Variants in LRRTM4 observed in about 807,000 individuals in gnomAD.
LRRTM4 encodes the protein leucine rich repeat transmembrane neuronal 4, also known as leucine-rich repeat transmembrane neuronal protein 4.
A neutral mutation model predicts 47.6 loss-of-function variants in LRRTM4; 25 were observed. The ratio of observed to expected loss-of-function variants is 0.53; its 90% CI spans 0.38 to 0.73. The LOEUF is 0.73. LRRTM4 is among the 30% of genes least tolerant of loss of function. The pLI, the probability that LRRTM4 is intolerant of heterozygous loss-of-function variation, is 0.00. For missense variants in LRRTM4, 638 were observed against 713.4 expected, an observed-to-expected ratio of 0.89 and a Z score of 1.20; for synonymous variants, 311 against 269.5, an observed-to-expected ratio of 1.15 and a Z score of -1.51.
chr2:77,452,960 A>G (rs1449472130), intron 3 of LRRTM4, among the ~76,000 whole-genome samples: 1 of 152,076 alleles, frequency 6.6e-6, no homozygotes, highest in Non-Finnish European at 1.5e-5. Flanking sequence ...GATAATTTCT[A>G]TGTGACCTTA....
At chr2:77,074,770 A>G (rs924543441) in intron 3 of LRRTM4, among the ~76,000 whole-genome samples, 20 of 152,316 alleles carry the variant, frequency 1.3e-4, no homozygotes, top group Admixed American at 1.3e-3. Context: ...CAAGAAGTGG[A>G]CAAAGGTAAG....
At chr2:76,812,703 T>G (rs531405303) in intron 3 of LRRTM4, among the ~76,000 whole-genome samples, 107 of 151,066 alleles carry the variant, frequency 7.1e-4, no homozygotes, top group Non-Finnish European at 9.7e-4. Context: ...TTCTTTTCTT[T>G]CTTTATTTCT....
intron 3 of LRRTM4, among the ~76,000 whole-genome samples, chr2:76,901,493 G>A (rs543340198): frequency 5.3e-5 from 8 of 152,180 alleles, no homozygotes; most frequent in African/African-American, 1.7e-4. Flanking sequence ...AAAAGGGAGA[G>A]CAGTGTTAAG....
chr2:76,915,997 C>G (rs1674230204), intron 3 of LRRTM4, among the ~76,000 whole-genome samples: 1 of 151,946 alleles, frequency 6.6e-6, no homozygotes, highest in Non-Finnish European at 1.5e-5. Flanking sequence ...AAAGCTCTAT[C>G]AGCACATTTG....
At chr2:77,501,382 T>G (rs1678566949) in intron 3 of LRRTM4, among the ~76,000 whole-genome samples, 1 of 150,760 alleles carries the variant, frequency 6.6e-6, no homozygotes, top group African/African-American at 2.4e-5. Flanking sequence ...CATAAAATGT[T>G]AATGTATGTA....
chr2:77,207,659 A>T (rs1674175227), intron 3 of LRRTM4, among the ~76,000 whole-genome samples: 1 of 151,674 alleles, frequency 6.6e-6, no homozygotes, highest in East Asian at 1.9e-4. Context: ...TATAACAATC[A>T]CTGACAATTC....
chr2:77,274,402 TG>T (rs560684392), intron 3 of LRRTM4, among the ~76,000 whole-genome samples: 142 of 152,312 alleles, frequency 9.3e-4, no homozygotes, highest in African/African-American at 3.1e-3. Context: ...TCATGGTGTT[TG>T]GATGATAAAT....
intron 3 of LRRTM4, among the ~76,000 whole-genome samples, chr2:76,762,515 G>A (rs894888923): frequency 7.9e-5 from 12 of 152,140 alleles, no homozygotes; most frequent in Admixed American, 7.2e-4. Context: ...TTTCTCTGCT[G>A]TGTATTATGA....
At chr2:76,835,789 T>G (rs544234105) in intron 3 of LRRTM4, among the ~76,000 whole-genome samples, 1 of 152,098 alleles carries the variant, frequency 6.6e-6, no homozygotes, top group African/African-American at 2.4e-5. Flanking sequence ...TATTTAAAAC[T>G]ATGTATAAAC....
At chr2:76,928,241 A>G (rs550041319) in intron 3 of LRRTM4, among the ~76,000 whole-genome samples, 1 of 152,226 alleles carries the variant, frequency 6.6e-6, no homozygotes, top group Non-Finnish European at 1.5e-5. Context: ...TTGATAAAAT[A>G]AAAATTCAGT....
chr2:77,340,144 A>G (rs1671318167), intron 3 of LRRTM4, among the ~76,000 whole-genome samples: 1 of 151,898 alleles, frequency 6.6e-6, no homozygotes, highest in Non-Finnish European at 1.5e-5. Flanking sequence ...TCTTTTCACT[A>G]GGTAATTAGA....
At chr2:77,102,419 T>G (rs1249597729) in intron 3 of LRRTM4, among the ~76,000 whole-genome samples, 2 of 152,220 alleles carry the variant, frequency 1.3e-5, no homozygotes, top group Admixed American at 6.5e-5. Context: ...ACTTCAGAGT[T>G]CTTTTTCTGC....
intron 3 of LRRTM4, among the ~76,000 whole-genome samples, chr2:77,452,394 G>C (rs939283319): frequency 6.6e-6 from 1 of 152,086 alleles, no homozygotes; most frequent in Non-Finnish European, 1.5e-5. Flanking sequence ...AAATGTTGAG[G>C]GTCTTAAGAA....
intron 3 of LRRTM4, among the ~76,000 whole-genome samples, chr2:76,934,177 A>G (rs1674863503): frequency 6.6e-6 from 1 of 152,236 alleles, no homozygotes; most frequent in South Asian, 2.1e-4. Flanking sequence ...CACTCACATA[A>G]TTTCTTCAGC....
At chr2:77,351,441 A>G (rs1671766937) in intron 3 of LRRTM4, among the ~76,000 whole-genome samples, 1 of 151,884 alleles carries the variant, frequency 6.6e-6, no homozygotes. Flanking sequence ...ACTTGAAACA[A>G]ATTGAATTCC....
chr2:77,431,525 T>A (rs577345712), intron 3 of LRRTM4, among the ~76,000 whole-genome samples: 66 of 148,840 alleles, frequency 4.4e-4, no homozygotes, highest in Non-Finnish European at 9.1e-4. Flanking sequence ...GCAAAATGCA[T>A]CCACTCCATC....
intron 3 of LRRTM4, among the ~76,000 whole-genome samples, chr2:77,342,494 A>G (rs890997730): frequency 1.3e-5 from 2 of 152,000 alleles, no homozygotes; most frequent in Admixed American, 6.6e-5. Context: ...GTGGATACAG[A>G]TGGGGCTTAA....
chr2:77,496,816 C>T (rs963146850), intron 3 of LRRTM4, among the ~76,000 whole-genome samples: 4 of 151,526 alleles, frequency 2.6e-5, no homozygotes, highest in Admixed American at 2.0e-4. Flanking sequence ...TGAGTTGGAA[C>T]GTGTTTCCTC....
chr2:77,125,389 G>C (rs1440373149), intron 3 of LRRTM4, among the ~76,000 whole-genome samples: 2 of 152,136 alleles, frequency 1.3e-5, no homozygotes, highest in Admixed American at 1.3e-4. Context: ...GTCCTTACTA[G>C]GGCCAACTTT....
Sources: allele counts gnomAD v4.1 joint callset (sites outside exome capture counted in the v4.1 genomes callset), GRCh38; gene constraint gnomAD v4.1.1; transcripts MANE v1.5; gene names NCBI Gene and HGNC (gene_info 2026-07-23, HGNC 2026-07-21).